IL25: variants seen among roughly 807,000 people sequenced by gnomAD.
The protein encoded by IL25 is interleukin-25.
IL25 carries 10 observed loss-of-function variants against 13.2 expected under a neutral mutation model. The observed-to-expected ratio is 0.76, with a 90% confidence interval of 0.47 to 1.29. IL25 has a LOEUF of 1.29. IL25 is among the 50% of genes most tolerant of loss of function. The pLI is 0.00. For missense variants in IL25, 235 were observed against 232.4 expected, an observed-to-expected ratio of 1.01 and a Z score of -0.07; for synonymous variants, 107 against 92.1, an observed-to-expected ratio of 1.16 and a Z score of -0.93.
intron 1 of IL25, among the ~76,000 whole-genome samples, chr14:23,373,838 T>G (rs1890475670): frequency 6.6e-6 from 1 of 152,204 alleles, no homozygotes; most frequent in African/African-American, 2.4e-5. Context: ...GGGTTAGTTA[T>G]AAGCATACTA....
chr14:23,373,219 G>A (rs1347356898), exon 1 of IL25: 6 of 1,614,092 alleles, frequency 3.7e-6, no homozygotes, highest in Non-Finnish European at 5.1e-6. Flanking sequence ...CACACCTACA[G>A]CCACTGGCCC....
chr14:23,375,533 G>A (rs907132767), intron 1 of IL25, 92 bp from the exon 3 acceptor site: 21 of 1,488,566 alleles, frequency 1.4e-5, no homozygotes, highest in South Asian at 5.1e-5. Context: ...GGCCCCAGAC[G>A]GACCATTTCC....
chr14:23,376,004 T>C (rs1890546894), exon 2 of IL25: 2 of 1,320,076 alleles, frequency 1.5e-6, no homozygotes, highest in Non-Finnish European at 2.1e-6. Context: ...AGCAGCAGGA[T>C]CCCGGGACAG....
intron 1 of IL25, among the ~76,000 whole-genome samples, chr14:23,373,773 C>T (rs1325833970): frequency 2.6e-5 from 4 of 152,122 alleles, no homozygotes; most frequent in Non-Finnish European, 5.9e-5. Context: ...GGAATAATGG[C>T]ATGATACAGG....
exon 2 of IL25, chr14:23,375,996 C>A: frequency 1.5e-6 from 2 of 1,370,430 alleles, no homozygotes; most frequent in African/African-American, 1.4e-5. Flanking sequence ...CTGTCTGGAG[C>A]AGCAGGATCC....
exon 1 of IL25, chr14:23,373,148 C>G: frequency 6.2e-7 from 1 of 1,614,176 alleles, no homozygotes; most frequent in Non-Finnish European, 8.5e-7. Flanking sequence ...TAGGTGAGGA[C>G]AGTTCTCTCA....
rs1890466108 is a variant in IL25 at position 23,373,379 on chromosome 14, CT to C, written c.262del (p.Ser88ProfsTer11). Reference sequence around the variant, plus strand: ...ATGGACCCCTCAACAGCAGGGCCATCTCCCCCTGGAGATATGAGTGAGTCTG... The same window carrying C: ...ATGGACCCCTCAACAGCAGGGCCATCCCCCCTGGAGATATGAGTGAGTCTG... On this transcript the variant is annotated frameshift_variant, in exon 1 of 2. Coordinates refer to ENST00000329715, the Ensembl canonical transcript of IL25. LOFTEE classifies it high-confidence loss of function. 2.5e-6 allele frequency: 4 copies of C among 1,612,440 alleles called. No individual in the cohort carries two copies. The East Asian group carries it at 8.9e-5, about 36-fold the overall frequency.
intron 1 of IL25, among the ~76,000 whole-genome samples, chr14:23,374,507 G>T (rs529435372): frequency 1.3e-5 from 2 of 152,302 alleles, no homozygotes; most frequent in Admixed American, 1.3e-4. Flanking sequence ...AAAGTAAACC[G>T]TTAAACTGGT....
rs1302380125 is a variant in IL25 at position 23,373,158 on chromosome 14, A to G, written c.40A>G (p.Ile14Val). ...CAGATTAGGTGAGGACAGTTCTCTCATTAGCCTTTTCCTACAGGTGGTTGC... is the reference window on the plus strand; with the variant it reads ...CAGATTAGGTGAGGACAGTTCTCTCGTTAGCCTTTTCCTACAGGTGGTTGC... Residue 14 changes from isoleucine to valine, a missense_variant, in exon 1 of 2, where the codon ATT (isoleucine) becomes GTT (valine). Coordinates refer to ENST00000329715, the Ensembl canonical transcript of IL25. 1.2e-6 allele frequency: 2 copies of G among 1,614,218 alleles called. No homozygotes were observed. Among genetic ancestry groups the G allele is most frequent in the South Asian group, 1.1e-5 (1 of 91,084 alleles).
chr14:23,375,998 G>A, exon 2 of IL25: 3 of 1,364,596 alleles, frequency 2.2e-6, no homozygotes, highest in Admixed American at 4.3e-5. Context: ...GTCTGGAGCA[G>A]CAGGATCCCG....
exon 1 of IL25, chr14:23,372,868 T>A: frequency 1.8e-6 from 2 of 1,130,062 alleles, no homozygotes; most frequent in Non-Finnish European, 2.6e-6. Context: ...ACAGGCTTGC[T>A]GAAAATAAAA....
chr14:23,375,855 G>T (rs1303251829), exon 2 of IL25: 1 of 1,614,134 alleles, frequency 6.2e-7, no homozygotes, highest in African/African-American at 1.3e-5. Context: ...GCTTGTGTGT[G>T]TGTGCGGCCC....
intron 1 of IL25, among the ~76,000 whole-genome samples, chr14:23,374,327 G>A (rs1329765692): frequency 6.6e-6 from 1 of 152,180 alleles, no homozygotes; most frequent in Non-Finnish European, 1.5e-5. Flanking sequence ...CTGTGAACCC[G>A]AGAACCACTC....
chr14:23,375,510 G>A, intron 1 of IL25, 115 bp from the exon 3 acceptor site: 6 of 1,310,982 alleles, frequency 4.6e-6, no homozygotes, highest in Non-Finnish European at 6.3e-6. Context: ...TCAGAACTGA[G>A]ACAAGAGGCC....
chr14:23,373,008 G>T (rs377122127), exon 1 of IL25: 380 of 1,614,038 alleles, frequency 2.4e-4, no homozygotes, highest in Non-Finnish European at 3.2e-4. Context: ...GGGCTGTGCT[G>T]AGAGGGAGAG....
At chr14:23,375,428 A>G (rs1192985277) in intron 1 of IL25, among the ~76,000 whole-genome samples, 197 bp from the exon 3 acceptor site, 1 of 152,120 alleles carries the variant, frequency 6.6e-6, no homozygotes, top group Admixed American at 6.5e-5. Flanking sequence ...GTCACCTGCT[A>G]CCCTCATTTA....
chr14:23,375,173 C>A (rs1243645808), intron 1 of IL25, among the ~76,000 whole-genome samples: 2 of 151,970 alleles, frequency 1.3e-5, no homozygotes, highest in Non-Finnish European at 2.9e-5. Flanking sequence ...TCGCTCGAAC[C>A]CAGGAGGTAG....
At chr14:23,376,242 G>T (rs931284515) in exon 2 of IL25, 3 of 264,474 alleles carry the variant, frequency 1.1e-5, no homozygotes, top group African/African-American at 6.7e-5. Context: ...GGAGAAGAAA[G>T]AGCCCCTGGT....
chr14:23,375,540 T>C, intron 1 of IL25, 85 bp from the exon 3 acceptor site: 2 of 1,523,192 alleles, frequency 1.3e-6, no homozygotes, highest in Non-Finnish European at 1.8e-6. Context: ...GACGGACCAT[T>C]TCCTTCTTCT....
Sources: gnomAD v4.1 joint callset for allele counts (sites outside exome capture counted in the v4.1 genomes callset) on GRCh38, gnomAD v4.1.1 for gene constraint, MANE v1.5 for transcripts, NCBI Gene and HGNC (gene_info 2026-07-23, HGNC 2026-07-21) for gene names.